MARCHF1: variants seen among roughly 807,000 people sequenced by gnomAD.
MARCHF1 encodes membrane associated ring-CH-type finger 1, also known as E3 ubiquitin-protein ligase MARCHF1.
In MARCHF1, 40 loss-of-function variants were observed where a neutral mutation model predicts 54.2. The observed-to-expected ratio is 0.74, with a 90% CI of 0.57 to 0.96. The LOEUF (loss-of-function observed/expected upper bound fraction) is 0.96, where lower values mean the gene tolerates loss of function less well. Ranked by LOEUF, MARCHF1 falls within the 40% of genes least tolerant of loss-of-function variation. The pLI is 0.00. For synonymous variants in MARCHF1, 236 were observed against 236.3 expected (o/e 1.00, Z 0.01); for missense variants, 586 against 656.5 (o/e 0.89, Z 1.17).
At chr4:163,741,619 G>A (rs760005862) in intron 4 of MARCHF1, among the ~76,000 whole-genome samples, 5 of 151,772 alleles carry the variant, frequency 3.3e-5, no homozygotes, top group African/African-American at 1.2e-4. Context: ...TAATATCAGC[G>A]TGTTTAAGCA....
At chr4:164,048,442 AT>A (rs1754286514) in intron 2 of MARCHF1, among the ~76,000 whole-genome samples, 1 of 152,170 alleles carries the variant, frequency 6.6e-6, no homozygotes, top group Non-Finnish European at 1.5e-5. Context: ...AAAATTGTCT[AT>A]TTTAGAAAAA....
intron 2 of MARCHF1, among the ~76,000 whole-genome samples, chr4:164,020,025 C>T (rs1753627946): frequency 1.3e-5 from 2 of 152,190 alleles, no homozygotes; most frequent in African/African-American, 4.8e-5. Context: ...AGCAGTTCAT[C>T]TCCTTTATTT....
intron 1 of MARCHF1, among the ~76,000 whole-genome samples, chr4:164,127,478 A>G (rs948419627): frequency 2.6e-5 from 4 of 152,204 alleles, no homozygotes; most frequent in African/African-American, 9.6e-5. Context: ...ATGAGCATTG[A>G]AAAAAGGGGA....
At chr4:164,157,948 C>T (rs1019415139) in intron 1 of MARCHF1, among the ~76,000 whole-genome samples, 2 of 152,116 alleles carry the variant, frequency 1.3e-5, no homozygotes, top group African/African-American at 4.8e-5. Flanking sequence ...ATGGCAATTC[C>T]AGCGATGGTT....
intron 1 of MARCHF1, among the ~76,000 whole-genome samples, chr4:164,309,255 T>TGTGC (rs1734781098): frequency 2.9e-5 from 1 of 34,710 alleles, no homozygotes; most frequent in Non-Finnish European, 4.6e-5. Context: ...ATTTCTAACC[T>TGTGC]GTGTGTGTGT....
At chr4:164,269,612 G>A (rs1221130161) in intron 1 of MARCHF1, among the ~76,000 whole-genome samples, 3 of 152,084 alleles carry the variant, frequency 2.0e-5, no homozygotes, top group African/African-American at 2.4e-5. Flanking sequence ...CATTGACATT[G>A]TTATCATGAA....
chr4:164,139,456 A>G (rs915372447), intron 1 of MARCHF1, among the ~76,000 whole-genome samples: 2 of 151,968 alleles, frequency 1.3e-5, no homozygotes, highest in African/African-American at 2.4e-5. Context: ...AAACCATCAA[A>G]TGCTGATTGG....
At chr4:163,795,008 C>A (rs1337967127) in intron 4 of MARCHF1, among the ~76,000 whole-genome samples, 1 of 152,156 alleles carries the variant, frequency 6.6e-6, no homozygotes, top group African/African-American at 2.4e-5. Context: ...TCTTTCTATA[C>A]ATACTTTAGA....
chr4:163,933,967 G>T (rs541160661), intron 3 of MARCHF1, among the ~76,000 whole-genome samples: 2 of 152,336 alleles, frequency 1.3e-5, no homozygotes, highest in Admixed American at 6.5e-5. Context: ...AATGCAAGTA[G>T]CATGTTGCTG....
At chr4:163,724,418 T>A (rs1193282210) in intron 4 of MARCHF1, among the ~76,000 whole-genome samples, 1 of 152,220 alleles carries the variant, frequency 6.6e-6, no homozygotes, top group East Asian at 1.9e-4. Flanking sequence ...AGTCTGCCCC[T>A]ACTGGGGGGT....
intron 7 of MARCHF1, among the ~76,000 whole-genome samples, chr4:163,591,473 C>G: frequency 6.6e-6 from 1 of 152,026 alleles, no homozygotes; most frequent in Admixed American, 6.6e-5. Context: ...TTCATTTACA[C>G]AAGTTCTGGA....
rs528634695 is a variant in MARCHF1 at position 163,949,184 on chromosome 4, C to G, written c.-39+39317G>C. On this transcript the variant is annotated intron_variant, in intron 3 of 9. Transcript: ENST00000514618. ...GTATGTGAGTGAGTGAGCATGGGGT[C>G]TGGCCACTGCACACAGCCAAGCATG... 3.9e-5 allele frequency among the ~76,000 whole-genome samples: 6 copies of G among 152,346 alleles called. No homozygotes were observed. In the South Asian group the frequency reaches 1.2e-3, roughly 32 times the overall value.
At chr4:164,270,545 A>G (rs1471937442) in intron 1 of MARCHF1, among the ~76,000 whole-genome samples, 6 of 152,226 alleles carry the variant, frequency 3.9e-5, no homozygotes, top group African/African-American at 1.2e-4. Flanking sequence ...CTCAATGAAT[A>G]TTTGTTGAAT....
chr4:163,936,353 C>A (rs1013339037), intron 3 of MARCHF1, among the ~76,000 whole-genome samples: 1 of 152,196 alleles, frequency 6.6e-6, no homozygotes, highest in African/African-American at 2.4e-5. Flanking sequence ...GTTGTTGCCA[C>A]AAACCTTCAG....
intron 1 of MARCHF1, among the ~76,000 whole-genome samples, chr4:164,248,270 G>A (rs1733018309): frequency 6.6e-6 from 1 of 151,880 alleles, no homozygotes; most frequent in Non-Finnish European, 1.5e-5. Context: ...TTATTAATTT[G>A]TGACTTTGGG....
intron 1 of MARCHF1, among the ~76,000 whole-genome samples, chr4:164,335,592 A>AG (rs1219405978): frequency 6.6e-6 from 1 of 151,840 alleles, no homozygotes; most frequent in East Asian, 2.0e-4. Context: ...AAAAAAAAAA[A>AG]AAAAAAAGAG....
intron 5 of MARCHF1, among the ~76,000 whole-genome samples, chr4:163,624,976 C>T (rs115160324): frequency 8.7e-4 from 132 of 152,264 alleles, no homozygotes; most frequent in African/African-American, 3.1e-3. Context: ...AGTGGTTTCT[C>T]GTTATCTAAC....
intron 4 of MARCHF1, among the ~76,000 whole-genome samples, chr4:163,817,904 T>C (rs1010910441): frequency 2.3e-5 from 3 of 129,218 alleles, no homozygotes; most frequent in Non-Finnish European, 3.1e-5. Context: ...AGATGGGAAT[T>C]GAACAATGAG....
chr4:163,879,802 G>GGTGT (rs1321712467), intron 3 of MARCHF1, among the ~76,000 whole-genome samples: 1 of 64,624 alleles, frequency 1.5e-5, no homozygotes, highest in African/African-American at 5.1e-5. Context: ...AGGATTTAGA[G>GGTGT]GCGTGTGTGT....
Sources: gnomAD v4.1 joint callset for allele counts (sites outside exome capture counted in the v4.1 genomes callset) on GRCh38, gnomAD v4.1.1 for gene constraint, MANE v1.5 for transcripts, NCBI Gene and HGNC (gene_info 2026-07-23, HGNC 2026-07-21) for gene names.